SP4: variants seen among roughly 807,000 people sequenced by gnomAD.
SP4 encodes the protein transcription factor Sp4.
In SP4, 19 loss-of-function variants were observed where a neutral mutation model predicts 72.8. The ratio of observed to expected loss-of-function variants is 0.26; its 90% confidence interval spans 0.18 to 0.38. SP4 has a LOEUF of 0.38. Ranked by LOEUF, SP4 falls within the 10% of genes least tolerant of loss-of-function variation. The pLI, the probability that SP4 is intolerant of heterozygous loss-of-function variation, is 1.00. For synonymous variants in SP4, 395 were observed against 333.1 expected, an observed-to-expected ratio of 1.19 and a Z score of -2.02; for missense variants, 1,008 against 926.3, an observed-to-expected ratio of 1.09 and a Z score of -1.14.
intron 5 of SP4, among the ~76,000 whole-genome samples, chr7:21,505,762 C>T (rs933984166): frequency 8.5e-5 from 13 of 152,194 alleles, no homozygotes; most frequent in African/African-American, 3.1e-4. Context: ...TACAACCCAT[C>T]AGGCTCTTTG....
chr7:21,439,640 A>C (rs1783172064), intron 3 of SP4, among the ~76,000 whole-genome samples: 1 of 151,998 alleles, frequency 6.6e-6, no homozygotes, highest in East Asian at 1.9e-4. Context: ...CTGGAATCTC[A>C]GTACTTTGGA....
intron 3 of SP4, among the ~76,000 whole-genome samples, chr7:21,451,330 T>C (rs1011052197): frequency 3.3e-5 from 5 of 152,140 alleles, no homozygotes; most frequent in African/African-American, 1.2e-4. Flanking sequence ...CTGTGACCAA[T>C]TACTATATTA....
chr7:21,456,258 C>T (rs748698640), intron 3 of SP4, among the ~76,000 whole-genome samples: 15 of 152,172 alleles, frequency 9.9e-5, no homozygotes, highest in Non-Finnish European at 1.6e-4. Context: ...CTTTAAAGGG[C>T]CTCAGAGTGA....
chr7:21,454,148 G>A (rs1783685453), intron 3 of SP4, among the ~76,000 whole-genome samples: 2 of 152,174 alleles, frequency 1.3e-5, no homozygotes, highest in Admixed American at 1.3e-4. Context: ...GTGGAGCCTA[G>A]GACACCAGAC....
chr7:21,479,104 C>G (rs545173263), intron 4 of SP4, among the ~76,000 whole-genome samples: 1 of 151,646 alleles, frequency 6.6e-6, no homozygotes, highest in East Asian at 1.9e-4. Flanking sequence ...AAAATATTGT[C>G]TCCCATTGTG....
chr7:21,494,040 A>G (rs1785044477), intron 5 of SP4, among the ~76,000 whole-genome samples: 1 of 152,220 alleles, frequency 6.6e-6, no homozygotes, highest in African/African-American at 2.4e-5. Context: ...AAAAGAAAAA[A>G]AATCACATGA....
intron 3 of SP4, among the ~76,000 whole-genome samples, chr7:21,474,763 ACT>A (rs1784447378): frequency 6.6e-6 from 1 of 152,122 alleles, no homozygotes; most frequent in Non-Finnish European, 1.5e-5. Context: ...TAAATTTACA[ACT>A]CTCACTTCAC....
intron 3 of SP4, among the ~76,000 whole-genome samples, chr7:21,465,693 C>G (rs1784145694): frequency 6.6e-6 from 1 of 152,120 alleles, no homozygotes; most frequent in Admixed American, 6.5e-5. Flanking sequence ...GACAACATAG[C>G]AAGACCTTGT....
At position 21,511,374 on chromosome 7, in the gene SP4, T is replaced by C; in HGVS notation, c.*105T>C. On this transcript the variant is annotated 3_prime_UTR_variant, in exon 6 of 6. Transcript: ENST00000222584. The stretch of plus-strand genomic sequence containing the variant: ...GATTACAGAGTAGGAAATTATGTTT[T>C]CATTCTTGGCTTCTTTAAGTATTCC... 3 of 1,197,264 alleles carry C rather than the reference T, an allele frequency of 2.5e-6. No individual in the cohort carries two copies. The highest frequency in any genetic ancestry group is 3.5e-6 in the Non-Finnish European group (3 of 858,560). 74.2% of individuals were successfully genotyped at this position (1,197,264 alleles called of 1,614,324 possible). A position where few individuals can be genotyped will look rare whatever the true frequency, so the allele number is the denominator to read the frequency against.
Position 21,512,508 on chromosome 7 carries a change from G to A in SP4, c.*1239G>A, listed in dbSNP as rs1173596314. 1 of 150,014 alleles carries A rather than the reference G, an allele frequency of 6.7e-6. No individual in the cohort carries two copies. The highest frequency in any genetic ancestry group is 6.6e-5 in the Admixed American group (1 of 15,096). 9.3% of individuals were successfully genotyped at this position (150,014 alleles called of 1,614,324 possible). The stretch of plus-strand genomic sequence containing the variant: ...CAGAATAATTTTCAGTGAAGTAAGT[G>A]ACTAAAGAAAAAAACTATATTATTG... On this transcript the variant is annotated 3_prime_UTR_variant, in exon 6 of 6. Transcript: ENST00000222584.
At position 21,514,358 on chromosome 7, in the gene SP4, T is replaced by G. The variant is rs765933884; in HGVS notation, c.*3089T>G. The G allele has an allele frequency of 6.6e-6, 1 of 152,544 alleles. No individual in the cohort carries two copies. The highest frequency in any genetic ancestry group is 1.5e-5 in the Non-Finnish European group (1 of 67,996). The allele number at this position is 152,544 out of a possible 1,614,324, so 9.4% of individuals were successfully genotyped here. On this transcript the variant is annotated 3_prime_UTR_variant, in exon 6 of 6. Coordinates refer to ENST00000222584, the MANE Select transcript of SP4 (RefSeq NM_003112.5). ...GTCTCCATTTTAATGCCTTGTGGTG[T>G]TTTTTTATGCATGTCACTAAGTTGT...
At chr7:21,471,931 T>C (rs778172115) in intron 3 of SP4, among the ~76,000 whole-genome samples, 33 of 152,318 alleles carry the variant, frequency 2.2e-4, no homozygotes, top group Non-Finnish European at 3.4e-4. Flanking sequence ...ATAGTAGATA[T>C]AAAACAATAG....
At position 21,430,717 on chromosome 7, in the gene SP4, G is replaced by T. The variant is rs749013280; in HGVS notation, c.1552G>T (p.Ala518Ser). The T allele has an allele frequency of 3.7e-6, 6 of 1,614,218 alleles. No homozygotes were observed. The highest frequency in any genetic ancestry group is 2.2e-5 in the South Asian group (2 of 91,082). ...AQIAPVAVAG[A>S]PITLNTAQLA... ...GATTGCTCCTGTGGCTGTTGCTGGT[G>T]CCCCAATAACTTTGAATACTGCCCA... is the stretch of plus-strand genomic sequence containing the variant. The change falls in exon 3 of 6, where the codon GCC becomes TCC. Residue 518 changes from alanine (A) to serine (S), a missense_variant. Coordinates refer to ENST00000222584, the MANE Select transcript of SP4 (RefSeq NM_003112.5).
At chr7:21,467,290 G>A (rs1382369999) in intron 3 of SP4, among the ~76,000 whole-genome samples, 3 of 152,024 alleles carry the variant, frequency 2.0e-5, no homozygotes, top group Admixed American at 2.0e-4. Context: ...AAGGTACTTA[G>A]AGCCAACAAA....
At chr7:21,450,376 C>A (rs1483613448) in intron 3 of SP4, among the ~76,000 whole-genome samples, 1 of 151,662 alleles carries the variant, frequency 6.6e-6, no homozygotes, top group Admixed American at 6.6e-5. Flanking sequence ...TTTTAGGGGG[C>A]TTTTTTGGTG....
rs976046719 is a variant in SP4, at chr7:21,428,700, G to A, written c.31G>A (p.Glu11Lys). 1.3e-6 allele frequency: 2 copies of A among 1,554,548 alleles called. No individual in the cohort carries two copies. Among genetic ancestry groups the A allele is most frequent in the African/African-American group, 1.4e-5 (1 of 73,074 alleles). The change falls in exon 2 of 6, where the codon GAG becomes AAG. Residue 11 changes from glutamate to lysine, a missense_variant. This residue lies in a region of SP4 where 893 missense variants were observed against 743.3 expected (regional missense o/e 1.20). Coordinates refer to ENST00000222584, the MANE Select transcript of SP4 (RefSeq NM_003112.5). MSDQKKEEEE[E>K]AAAAAAMATE... Reference sequence around the variant, plus strand: ...AGATCAGAAGAAGGAGGAGGAGGAGGAGGCGGCAGCGGCAGCGGCGATGGC... The same window carrying A: ...AGATCAGAAGAAGGAGGAGGAGGAGAAGGCGGCAGCGGCAGCGGCGATGGC...
At chr7:21,447,173 T>C (rs1026480291) in intron 3 of SP4, among the ~76,000 whole-genome samples, 1 of 152,190 alleles carries the variant, frequency 6.6e-6, no homozygotes, top group African/African-American at 2.4e-5. Flanking sequence ...TTTAAAGCCA[T>C]AGTGTGTGAT....
At chr7:21,446,211 G>A (rs1425871927) in intron 3 of SP4, among the ~76,000 whole-genome samples, 5 of 152,014 alleles carry the variant, frequency 3.3e-5, no homozygotes, top group African/African-American at 1.2e-4. Flanking sequence ...CAGCTCATAT[G>A]GGGATATTTC....
Position 21,492,136 on chromosome 7 carries a change from A to G in SP4, c.2107+10013A>G, listed in dbSNP as rs1248755716. Among the ~76,000 whole-genome samples the G allele has an allele frequency of 2.6e-5, 4 of 152,208 alleles. No homozygotes were observed. In the East Asian group the frequency reaches 5.8e-4, roughly 22 times the overall value. On this transcript the variant is annotated intron_variant, in intron 5 of 5. Coordinates refer to ENST00000222584, the MANE Select transcript of SP4 (RefSeq NM_003112.5). ...TGTTGATGTAATACATATGGCCAAT[A>G]TAACAGAAAGGGAGGGTAAGGAAGC...
Sources: gnomAD v4.1 joint callset for allele counts (sites outside exome capture counted in the v4.1 genomes callset) on GRCh38, gnomAD v4.1.1 for gene constraint, gnomAD v4.1.1 regional missense constraint, MANE v1.5 for transcripts, NCBI Gene and HGNC (gene_info 2026-07-23, HGNC 2026-07-21) for gene names.